Variants in PTPRG observed in about 807,000 individuals in gnomAD.
The protein encoded by PTPRG is protein tyrosine phosphatase receptor type G.
PTPRG carries 102 observed loss-of-function variants against 165.3 expected under a neutral mutation model. The ratio of observed to expected loss-of-function variants is 0.62; its 90% CI spans 0.53 to 0.73. The LOEUF (loss-of-function observed/expected upper bound fraction) is 0.73, where lower values mean the gene tolerates loss of function less well. Ranked by LOEUF, PTPRG falls within the 30% of genes least tolerant of loss-of-function variation. The pLI is 0.00. For missense variants in PTPRG, 1,866 were observed against 1,861.4 expected (o/e 1.00, Z -0.05); for synonymous variants, 675 against 669.5 (o/e 1.01, Z -0.13).
chr3:61,913,513 C>T (rs942777568), intron 2 of PTPRG, among the ~76,000 whole-genome samples: 3 of 152,180 alleles, frequency 2.0e-5, no homozygotes, highest in Admixed American at 6.5e-5. Flanking sequence ...GCCACCGCAC[C>T]CGGCCGAGGG....
At chr3:61,915,241 A>G (rs916616489) in intron 2 of PTPRG, among the ~76,000 whole-genome samples, 5 of 152,194 alleles carry the variant, frequency 3.3e-5, no homozygotes, top group African/African-American at 1.2e-4. Context: ...AAATAAATAA[A>G]TGAATAAATA....
intron 1 of PTPRG, among the ~76,000 whole-genome samples, chr3:61,734,073 C>T (rs888688690): frequency 3.9e-5 from 6 of 152,206 alleles, no homozygotes; most frequent in South Asian, 2.1e-4. Context: ...TGAGCCACCA[C>T]GCCCAGCCAA....
At chr3:61,965,996 A>G (rs750331416) in intron 2 of PTPRG, among the ~76,000 whole-genome samples, 3 of 152,184 alleles carry the variant, frequency 2.0e-5, no homozygotes, top group Non-Finnish European at 4.4e-5. Context: ...CTTTTCTTTC[A>G]TGGCAAAAAC....
At chr3:62,201,603 C>A in intron 11 of PTPRG, 49 bp downstream of exon 11, 2 of 1,584,652 alleles carry the variant, frequency 1.3e-6, no homozygotes, top group Non-Finnish European at 1.7e-6. Context: ...TGTTAATTTG[C>A]TTGCAGTTAA....
At chr3:61,921,297 C>G (rs895021625) in intron 2 of PTPRG, among the ~76,000 whole-genome samples, 22 of 151,954 alleles carry the variant, frequency 1.4e-4, no homozygotes, top group African/African-American at 4.4e-4. Flanking sequence ...CTGTTGAAAA[C>G]AAAATGATGA....
chr3:62,265,924 C>CACACACACACA (rs757211700), intron 17 of PTPRG, among the ~76,000 whole-genome samples: 114 of 151,512 alleles, frequency 7.5e-4, no homozygotes, highest in Admixed American at 3.1e-3. Context: ...CACACACACA[C>CACACACACACA]ACCATTCTCT....
At chr3:62,098,215 T>G (rs1397957088) in intron 5 of PTPRG, among the ~76,000 whole-genome samples, 1 of 152,100 alleles carries the variant, frequency 6.6e-6, no homozygotes, top group African/African-American at 2.4e-5. Flanking sequence ...GGTTCTAGAT[T>G]TATAAATTCA....
Position 62,293,401 on chromosome 3 carries a change from C to A in PTPRG, c.*94C>A. 1.7e-6 allele frequency: 2 copies of A among 1,160,654 alleles called. No homozygotes were observed. The highest frequency in any genetic ancestry group is 1.2e-6 in the Non-Finnish European group (1 of 856,182). The allele number at this position is 1,160,654 out of a possible 1,614,324, so 71.9% of individuals were successfully genotyped here. Reference sequence around the variant, plus strand: ...GCCAGACTCTAGGTTATACAATAACCCAGTTACTTTTTTACACTGATAAAA... The same window carrying A: ...GCCAGACTCTAGGTTATACAATAACACAGTTACTTTTTTACACTGATAAAA... On this transcript the variant is annotated 3_prime_UTR_variant, in exon 30 of 30. Transcript: ENST00000474889.
intron 4 of PTPRG, among the ~76,000 whole-genome samples, chr3:62,029,939 C>A (rs993240372): frequency 6.6e-6 from 1 of 152,184 alleles, no homozygotes; most frequent in African/African-American, 2.4e-5. Context: ...TTCTAACTCG[C>A]ATTTTCTGAC....
chr3:62,281,538 C>CTTT (rs60919586), intron 26 of PTPRG, 25 bp from the exon 27 acceptor site: 207,423 of 619,174 alleles, frequency 0.34, 17,028 homozygotes, highest in Non-Finnish European at 0.35. Flanking sequence ...ACTGCAGAGG[C>CTTT]TTTTTTTTTT....
At chr3:61,715,246 T>C (rs2031754687) in intron 1 of PTPRG, among the ~76,000 whole-genome samples, 1 of 151,810 alleles carries the variant, frequency 6.6e-6, no homozygotes, top group South Asian at 2.1e-4. Flanking sequence ...GTCAGGGTTG[T>C]CCTGTCTTTT....
At chr3:62,010,993 C>T (rs1190874587) in intron 4 of PTPRG, among the ~76,000 whole-genome samples, 1 of 152,130 alleles carries the variant, frequency 6.6e-6, no homozygotes, top group Admixed American at 6.5e-5. Context: ...GAAAGGAAAG[C>T]CTTCAGCAAA....
chr3:62,093,285 T>C (rs1702002709), intron 5 of PTPRG, among the ~76,000 whole-genome samples: 2 of 152,174 alleles, frequency 1.3e-5, no homozygotes, highest in Admixed American at 1.3e-4. Context: ...CTGGGGACTC[T>C]AGTTTTCTTA....
intron 2 of PTPRG, among the ~76,000 whole-genome samples, chr3:61,906,467 A>G (rs1376325301): frequency 2.0e-5 from 3 of 149,242 alleles, no homozygotes; most frequent in Admixed American, 6.7e-5. Context: ...AAAAAAAAGG[A>G]AAAAAAAACA....
chr3:61,893,851 T>C (rs1055056454), intron 2 of PTPRG, among the ~76,000 whole-genome samples: 1 of 152,224 alleles, frequency 6.6e-6, no homozygotes, highest in African/African-American at 2.4e-5. Context: ...TTAAAGGATG[T>C]ATCTTTCAAA....
chr3:61,945,560 C>CAAAAAAAAAAAAAAAAA (rs71123242), intron 2 of PTPRG, among the ~76,000 whole-genome samples: 6 of 55,460 alleles, frequency 1.1e-4, no homozygotes, highest in Non-Finnish European at 1.6e-4. Context: ...ACTCCGTCAC[C>CAAAAAAAAAAAAAAAAA]AAAAAAAAAA....
intron 1 of PTPRG, among the ~76,000 whole-genome samples, chr3:61,606,014 G>A (rs1466472107): frequency 6.6e-6 from 1 of 152,218 alleles, no homozygotes; most frequent in Non-Finnish European, 1.5e-5. Context: ...CTCACCCCAT[G>A]TGGTGTATCC....
rs1050694209 is a variant in PTPRG, at chr3:61,562,012, G to T, written c.-276G>T. 3.1e-6 allele frequency: 1 copy of T among 323,976 alleles called. No individual in the cohort carries two copies. The highest frequency in any genetic ancestry group is 5.7e-5 in the South Asian group (1 of 17,440). The allele number at this position is 323,976 out of a possible 1,614,324, so 20.1% of individuals were successfully genotyped here. A position where few individuals can be genotyped will look rare whatever the true frequency, so the allele number is the denominator to read the frequency against. ...CGGCCGCCGACTCCGCGCCCTGCCC[G>T]ATCGGCTCTCTCCTTTTTAAACGGA... is the stretch of plus-strand genomic sequence containing the variant. On this transcript the variant is annotated 5_prime_UTR_variant, in exon 1 of 30. Coordinates refer to ENST00000474889, the MANE Select transcript of PTPRG (RefSeq NM_002841.4).
intron 1 of PTPRG, among the ~76,000 whole-genome samples, chr3:61,656,304 G>A (rs934747376): frequency 6.6e-6 from 1 of 152,110 alleles, no homozygotes; most frequent in Non-Finnish European, 1.5e-5. Flanking sequence ...TCCCTCATTT[G>A]ATGCAGAAGG....
Sources: gnomAD v4.1 joint callset for allele counts (sites outside exome capture counted in the v4.1 genomes callset) on GRCh38, gnomAD v4.1.1 for gene constraint, MANE v1.5 for transcripts, NCBI Gene and HGNC (gene_info 2026-07-23, HGNC 2026-07-21) for gene names.